The following NDUFAF2 variants were observed in gnomAD, a reference collection of about 807,000 sequenced individuals.
NDUFAF2 encodes NADH:ubiquinone oxidoreductase complex assembly factor 2.
A neutral mutation model predicts 22.8 loss-of-function variants in NDUFAF2; 13 were observed. The observed-to-expected ratio is 0.57, with a 90% CI of 0.37 to 0.91. The LOEUF (loss-of-function observed/expected upper bound fraction) is 0.91. Among genes scored for constraint, NDUFAF2 ranks in the 40% least tolerant of loss-of-function variants. The pLI, the probability that NDUFAF2 is intolerant of heterozygous loss-of-function variation, is 0.01. For synonymous variants in NDUFAF2, 53 were observed against 64.2 expected, an observed-to-expected ratio of 0.83 and a Z score of 0.84; for missense variants, 162 against 195.2, an observed-to-expected ratio of 0.83 and a Z score of 1.01.
At chr5:61,007,200 G>GT (rs1251103652) in intron 1 of NDUFAF2, among the ~76,000 whole-genome samples, 1 of 151,884 alleles carries the variant, frequency 6.6e-6, no homozygotes, top group African/African-American at 2.4e-5. Flanking sequence ...CCATGCCTAT[G>GT]TCCTGAATGG....
At chr5:61,120,669 A>G (rs1235594822) in intron 3 of NDUFAF2, among the ~76,000 whole-genome samples, 3 of 152,122 alleles carry the variant, frequency 2.0e-5, no homozygotes, top group Non-Finnish European at 4.4e-5. Flanking sequence ...TTCTTTTAAG[A>G]GTCATCAAAA....
At chr5:61,027,963 TAATA>T (rs1240039197) in intron 1 of NDUFAF2, among the ~76,000 whole-genome samples, 1 of 152,008 alleles carries the variant, frequency 6.6e-6, no homozygotes, top group African/African-American at 2.4e-5. Flanking sequence ...GGGGATATGT[TAATA>T]AACAACACAA....
chr5:61,118,528 A>G (rs895419623), intron 3 of NDUFAF2, among the ~76,000 whole-genome samples: 1 of 152,150 alleles, frequency 6.6e-6, no homozygotes, highest in Admixed American at 6.5e-5. Flanking sequence ...AGTAAGTCAG[A>G]TTTGGCTGGT....
Position 61,008,303 on chromosome 5 carries a change from A to T in NDUFAF2, c.127+62921A>T, listed in dbSNP as rs540286943. 3.0e-4 allele frequency among the ~76,000 whole-genome samples: 46 copies of T among 151,704 alleles called. 1 individual carries two copies. In the South Asian group the frequency reaches 7.7e-3, roughly 25 times the overall value. On this transcript the variant is annotated intron_variant, in intron 1 of 3. Transcript: ENST00000296597. ...TGTACCCTAAAACTTAAAGTATAAT[A>T]AAAAAAAAGAATGGATTTTCACATC...
intron 2 of NDUFAF2, 77 bp from the exon 3 acceptor site, chr5:61,098,915 A>C: frequency 2.4e-6 from 3 of 1,226,032 alleles, no homozygotes; most frequent in Non-Finnish European, 3.5e-6. Context: ...TAGGTACTCA[A>C]AAAAATTTGT....
rs146155915 is a variant in NDUFAF2, at chr5:60,960,028, T to C, written c.127+14646T>C. On this transcript the variant is annotated intron_variant, in intron 1 of 3. Transcript: ENST00000296597. ...CACAGTCGTACCTGTCAGTTCTTTA[T>C]GCTTTATGCTTATGAAGTTAAGGAA... Among the ~76,000 whole-genome samples, 15 of 152,268 alleles carry C rather than the reference T, an allele frequency of 9.9e-5. 1 individual carries two copies. Among genetic ancestry groups the C allele is most frequent in the African/African-American group, 3.6e-4 (15 of 41,598 alleles).
intron 3 of NDUFAF2, among the ~76,000 whole-genome samples, chr5:61,103,777 C>A (rs532874137): frequency 6.6e-6 from 1 of 152,174 alleles, no homozygotes; most frequent in African/African-American, 2.4e-5. Context: ...CATTTACCTG[C>A]AGGTTACCAG....
chr5:61,004,726 A>G lies in NDUFAF2; in HGVS notation c.127+59344A>G, dbSNP rs181894637. 2.7e-3 allele frequency among the ~76,000 whole-genome samples: 413 copies of G among 152,158 alleles called. 4 individuals carry two copies. Among genetic ancestry groups the G allele is most frequent in the African/African-American group, 9.8e-3 (405 of 41,534 alleles). On this transcript the variant is annotated intron_variant, in intron 1 of 3. Coordinates refer to ENST00000296597, the MANE Select transcript of NDUFAF2 (RefSeq NM_174889.5). ...GACTCTACCAGTCATAGAGAGAGAC[A>G]TGGAAGGAGCTGTTTCAGATCCAAG...
intron 1 of NDUFAF2, among the ~76,000 whole-genome samples, chr5:61,068,554 C>A (rs951030768): frequency 6.6e-6 from 1 of 152,048 alleles, no homozygotes; most frequent in Non-Finnish European, 1.5e-5. Flanking sequence ...TTACAATAGT[C>A]TGAAAGGGAA....
intron 2 of NDUFAF2, among the ~76,000 whole-genome samples, chr5:61,076,321 G>A (rs1441200718): frequency 3.3e-5 from 5 of 152,252 alleles, no homozygotes; most frequent in East Asian, 1.9e-4. Flanking sequence ...TGATCTGCCC[G>A]CCTCTGCCTC....
chr5:61,043,738 A>C (rs1269919438), intron 1 of NDUFAF2, among the ~76,000 whole-genome samples: 1 of 150,842 alleles, frequency 6.6e-6, no homozygotes, highest in Non-Finnish European at 1.5e-5. Flanking sequence ...CATCTATATT[A>C]CATTTTCTTT....
Position 61,036,004 on chromosome 5 carries a change from GTGTT to G in NDUFAF2, c.128-37111_128-37108del, listed in dbSNP as rs566366509. Among the ~76,000 whole-genome samples the G allele has an allele frequency of 2.2e-3, 340 of 152,290 alleles. 1 individual carries two copies. Among genetic ancestry groups the G allele is most frequent in the Non-Finnish European group, 2.8e-3 (190 of 68,028 alleles). Reference sequence around the variant, plus strand: ...AAACTCACCGGTTTAACAGAAGTGTGTGTTTGTTTGTTTTTTAATCGAGTAGATC... The same window carrying G: ...AAACTCACCGGTTTAACAGAAGTGTGTGTTTGTTTTTTAATCGAGTAGATC... On this transcript the variant is annotated intron_variant, in intron 1 of 3. Coordinates refer to ENST00000296597, the MANE Select transcript of NDUFAF2 (RefSeq NM_174889.5).
chr5:60,988,184 C>A (rs1278640211), intron 1 of NDUFAF2, among the ~76,000 whole-genome samples: 5 of 151,840 alleles, frequency 3.3e-5, no homozygotes, highest in African/African-American at 4.8e-5. Context: ...TCACAATTGC[C>A]AGAAAAAGAA....
chr5:61,007,711 A>G (rs932450637), intron 1 of NDUFAF2, among the ~76,000 whole-genome samples: 127 of 152,274 alleles, frequency 8.3e-4, no homozygotes, highest in Non-Finnish European at 1.5e-3. Flanking sequence ...GTGGGACTGT[A>G]AACTAGTTCA....
chr5:61,054,387 G>C (rs1752061646), intron 1 of NDUFAF2, among the ~76,000 whole-genome samples: 1 of 152,100 alleles, frequency 6.6e-6, no homozygotes, highest in Non-Finnish European at 1.5e-5. Flanking sequence ...CCTGGGAGAG[G>C]TGGGTGTCAT....
intron 1 of NDUFAF2, among the ~76,000 whole-genome samples, chr5:61,065,517 A>T (rs1042744230): frequency 6.6e-6 from 1 of 152,084 alleles, no homozygotes; most frequent in Admixed American, 6.6e-5. Flanking sequence ...AGGGAGATTT[A>T]TTGCTGGCAT....
At chr5:61,054,651 A>G (rs1447230815) in intron 1 of NDUFAF2, among the ~76,000 whole-genome samples, 5 of 152,232 alleles carry the variant, frequency 3.3e-5, no homozygotes, top group Non-Finnish European at 7.3e-5. Flanking sequence ...AAGTGACTTC[A>G]TATTGACAGA....
At chr5:60,976,770 T>A (rs943004279) in intron 1 of NDUFAF2, among the ~76,000 whole-genome samples, 1 of 152,212 alleles carries the variant, frequency 6.6e-6, no homozygotes, top group Non-Finnish European at 1.5e-5. Context: ...TTGGTAACTG[T>A]TCCCAGCAAT....
chr5:60,983,103 G>T (rs201140597), intron 1 of NDUFAF2, among the ~76,000 whole-genome samples: 65 of 146,316 alleles, frequency 4.4e-4, no homozygotes, highest in South Asian at 6.6e-4. Context: ...TAACTGGTGT[G>T]AGATGGTATC....
Sources: gnomAD v4.1 joint callset for allele counts (sites outside exome capture counted in the v4.1 genomes callset) on GRCh38, gnomAD v4.1.1 for gene constraint, MANE v1.5 for transcripts, NCBI Gene and HGNC (gene_info 2026-07-23, HGNC 2026-07-21) for gene names.